Variants in THSD7B observed in about 807,000 individuals in gnomAD.
THSD7B encodes the protein thrombospondin type 1 domain containing 7B.
Under a neutral mutation model 213.6 loss-of-function variants are expected in THSD7B, and 138 were observed. The observed-to-expected ratio is 0.65, with a 90% CI of 0.56 to 0.74. The LOEUF (loss-of-function observed/expected upper bound fraction) is 0.74. Among genes scored for constraint, THSD7B ranks in the 30% least tolerant of loss-of-function variants. The pLI, the probability that THSD7B is intolerant of heterozygous loss-of-function variation, is 0.00. For missense variants in THSD7B, 1,931 were observed against 1,991.5 expected (o/e 0.97, Z 0.58); for synonymous variants, 742 against 687.0 (o/e 1.08, Z -1.25).
intron 12 of THSD7B, among the ~76,000 whole-genome samples, chr2:137,352,815 G>C (rs1293787430): frequency 1.3e-5 from 2 of 151,906 alleles, no homozygotes; most frequent in African/African-American, 2.4e-5. Context: ...AAAATGTATT[G>C]AGAAAAAATA....
In THSD7B at chr2:137,405,609, TCAGC is replaced by T. The variant is rs1239693018; in HGVS notation, c.2501-3_2501del. The T allele has an allele frequency of 6.3e-7, 1 of 1,581,714 alleles. No individual in the cohort carries two copies. Among genetic ancestry groups the T allele is most frequent in the Admixed American group, 1.9e-5 (1 of 53,350 alleles). On this transcript the variant is annotated splice_acceptor_variant and splice_polypyrimidine_tract_variant and coding_sequence_variant and intron_variant, in exon 13 of 28. Coordinates refer to ENST00000409968, the MANE Select transcript of THSD7B (RefSeq NM_001316349.2). LOFTEE classifies it high-confidence loss of function. Reference sequence around the variant, plus strand: ...ATAACAAAAGAATTCATGCTTTTTTTCAGCTGTCTCATGCATCTCTGATGACAAC... The same window carrying T: ...ATAACAAAAGAATTCATGCTTTTTTTTGTCTCATGCATCTCTGATGACAAC...
At chr2:136,969,820 C>A (rs1436577559) in intron 2 of THSD7B, among the ~76,000 whole-genome samples, 1 of 152,132 alleles carries the variant, frequency 6.6e-6, no homozygotes, top group Non-Finnish European at 1.5e-5. Context: ...TGAAGCCCAC[C>A]TGTTGACAAG....
At chr2:137,208,029 G>A (rs1012090832) in intron 7 of THSD7B, among the ~76,000 whole-genome samples, 3 of 152,058 alleles carry the variant, frequency 2.0e-5, no homozygotes, top group African/African-American at 7.2e-5. Context: ...AGATGTAGAT[G>A]AACTGGGGAG....
chr2:137,415,170 C>T (rs926944112), intron 14 of THSD7B, among the ~76,000 whole-genome samples: 1 of 151,872 alleles, frequency 6.6e-6, no homozygotes. Context: ...TTTACTTGGA[C>T]TTTGTCTCCC....
intron 12 of THSD7B, among the ~76,000 whole-genome samples, chr2:137,324,763 A>C (rs1684331545): frequency 6.6e-6 from 1 of 152,256 alleles, no homozygotes; most frequent in East Asian, 1.9e-4. Flanking sequence ...AATCAAGGGT[A>C]TAAAAACAGG....
At chr2:137,123,961 G>A (rs1272444925) in intron 5 of THSD7B, among the ~76,000 whole-genome samples, 5 of 152,124 alleles carry the variant, frequency 3.3e-5, no homozygotes, top group African/African-American at 1.2e-4. Context: ...GAACTCAGTC[G>A]ATATTTCCTG....
chr2:136,890,920 C>G (rs1226799968), intron 2 of THSD7B, among the ~76,000 whole-genome samples: 1 of 151,898 alleles, frequency 6.6e-6, no homozygotes, highest in Non-Finnish European at 1.5e-5. Context: ...ACTCCTTAGA[C>G]AAAGGTTTGA....
At chr2:136,831,116 C>T (rs990269425) in intron 1 of THSD7B, among the ~76,000 whole-genome samples, 3 of 138,808 alleles carry the variant, frequency 2.2e-5, no homozygotes, top group African/African-American at 5.4e-5. Context: ...CTGGAGTTCT[C>T]GGCCTGTAGA....
chr2:136,768,675 C>T (rs1042640048), intron 1 of THSD7B, among the ~76,000 whole-genome samples: 1 of 152,162 alleles, frequency 6.6e-6, no homozygotes, highest in Admixed American at 6.5e-5. Flanking sequence ...ACAGACAAAG[C>T]ATAAAGGCTG....
At chr2:137,424,199 T>TA (rs985159310) in intron 14 of THSD7B, among the ~76,000 whole-genome samples, 25 of 152,122 alleles carry the variant, frequency 1.6e-4, no homozygotes, top group Non-Finnish European at 2.2e-4. Flanking sequence ...GCTAAAATTA[T>TA]AAAAAAATTA....
intron 2 of THSD7B, among the ~76,000 whole-genome samples, chr2:136,979,515 G>C (rs1039392197): frequency 6.6e-6 from 1 of 151,732 alleles, no homozygotes; most frequent in Admixed American, 6.6e-5. Flanking sequence ...CTCTAATCTT[G>C]TCTGCCTGTC....
At chr2:137,523,061 CA>C (rs1349947340) in intron 15 of THSD7B, among the ~76,000 whole-genome samples, 1 of 152,146 alleles carries the variant, frequency 6.6e-6, no homozygotes, top group Non-Finnish European at 1.5e-5. Flanking sequence ...AAAAATGCTG[CA>C]AGGAGTCATG....
intron 21 of THSD7B, among the ~76,000 whole-genome samples, chr2:137,650,829 A>G (rs1268474793): frequency 1.3e-5 from 2 of 152,210 alleles, no homozygotes; most frequent in Non-Finnish European, 2.9e-5. Context: ...TTCAGCATCT[A>G]TTGAAATGAT....
At chr2:137,610,292 G>A (rs187981344) in intron 17 of THSD7B, among the ~76,000 whole-genome samples, 3 of 152,170 alleles carry the variant, frequency 2.0e-5, no homozygotes, top group African/African-American at 7.2e-5. Flanking sequence ...CTAACAAGTT[G>A]CCAGGTGATG....
intron 12 of THSD7B, among the ~76,000 whole-genome samples, chr2:137,298,740 G>A (rs1278183616): frequency 6.6e-6 from 1 of 152,168 alleles, no homozygotes; most frequent in African/African-American, 2.4e-5. Flanking sequence ...CCAAACCTTG[G>A]CAACTTCCAC....
chr2:137,042,433 G>A (rs1686900958), intron 2 of THSD7B, among the ~76,000 whole-genome samples: 1 of 151,932 alleles, frequency 6.6e-6, no homozygotes, highest in African/African-American at 2.4e-5. Context: ...AGTTACACAG[G>A]GAAAGAAGTT....
intron 1 of THSD7B, among the ~76,000 whole-genome samples, chr2:136,824,313 A>G (rs1395781493): frequency 6.6e-6 from 1 of 152,076 alleles, no homozygotes; most frequent in Non-Finnish European, 1.5e-5. Context: ...AAGTGCTTAT[A>G]TATAAGTACA....
chr2:137,360,942 C>G (rs543893066), intron 12 of THSD7B, among the ~76,000 whole-genome samples: 1 of 152,334 alleles, frequency 6.6e-6, no homozygotes, highest in Non-Finnish European at 1.5e-5. Flanking sequence ...AACTTGGAGA[C>G]ATCTCCCACT....
chr2:137,131,380 T>G (rs1300916045), intron 5 of THSD7B, among the ~76,000 whole-genome samples: 1 of 152,146 alleles, frequency 6.6e-6, no homozygotes, highest in African/African-American at 2.4e-5. Context: ...GCTCTTTAGT[T>G]TAATTAGATC....
Sources: gnomAD v4.1 joint callset for allele counts (sites outside exome capture counted in the v4.1 genomes callset) on GRCh38, gnomAD v4.1.1 for gene constraint, MANE v1.5 for transcripts, NCBI Gene and HGNC (gene_info 2026-07-23, HGNC 2026-07-21) for gene names.